ALPK3: variants seen among roughly 807,000 people sequenced by gnomAD.
ALPK3 encodes alpha kinase 3, also known as alpha-protein kinase 3.
A neutral mutation model predicts 140.0 loss-of-function variants in ALPK3; 102 were observed. That is an observed-to-expected ratio of 0.73 (90% confidence interval 0.62 to 0.86). The LOEUF (loss-of-function observed/expected upper bound fraction) is 0.86, where lower values mean the gene tolerates loss of function less well. Among genes scored for constraint, ALPK3 ranks in the 40% least tolerant of loss-of-function variants. The probability of loss-of-function intolerance (pLI) is 0.00; values close to 1 mark genes in which losing one functional copy is unlikely to be tolerated. For missense variants in ALPK3, 2,254 were observed against 2,208.2 expected (o/e 1.02, Z -0.42); for synonymous variants, 938 against 898.5 (o/e 1.04, Z -0.79).
intron 9 of ALPK3, among the ~76,000 whole-genome samples, chr15:84,860,704 T>TA (rs1596157361): frequency 1.3e-5 from 2 of 152,226 alleles, no homozygotes; most frequent in African/African-American, 4.8e-5. Context: ...CTCTCACTCT[T>TA]TCAATCACTC....
At chr15:84,859,169 A>G (rs1963906799) in intron 6 of ALPK3, 74 bp from the exon 7 acceptor site, 7 of 1,585,586 alleles carry the variant, frequency 4.4e-6, no homozygotes, top group Non-Finnish European at 6.0e-6. Context: ...CTTTTCCACC[A>G]AGGACACCCA....
intron 1 of ALPK3, among the ~76,000 whole-genome samples, chr15:84,818,609 C>T (rs1963388300): frequency 6.6e-6 from 1 of 152,226 alleles, no homozygotes; most frequent in Non-Finnish European, 1.5e-5. Flanking sequence ...ATTCCTAAAA[C>T]AGCATAAAAA....
At position 84,840,182 on chromosome 15, in the gene ALPK3, G is replaced by T. The variant is rs1963644045; in HGVS notation, c.903G>T (p.Glu301Asp). Residue 301 changes from glutamate (E) to aspartate (D), a missense_variant, in exon 5 of 14, where the codon GAG becomes GAT. Around this residue, in one of 3 missense-constraint regions of ALPK3, gnomAD observed 2,088 missense variants for 2,022.9 expected, o/e 1.03. Transcript: ENST00000258888. Reference protein sequence around the residue: ...GLLTYICDAMELGPQRALKEE... With the variant: ...GLLTYICDAMDLGPQRALKEE... ...TGACATACATCTGTGACGCCATGGA[G>T]CTGGGGCCTCAGAGAGCCCTCAAAG... The T allele has an allele frequency of 6.2e-7, 1 of 1,613,784 alleles. No individual in the cohort carries two copies. Among genetic ancestry groups the T allele is most frequent in the African/African-American group, 1.3e-5 (1 of 74,894 alleles).
At chr15:84,850,914 A>ACACACACACACACACACACACACACACC (rs1434291716) in intron 5 of ALPK3, among the ~76,000 whole-genome samples, 2 of 149,242 alleles carry the variant, frequency 1.3e-5, no homozygotes, top group African/African-American at 5.1e-5. Flanking sequence ...ACACACACAC[A>ACACACACACACACACACACACACACACC]CCCTCTGTCA....
intron 2 of ALPK3, among the ~76,000 whole-genome samples, chr15:84,824,483 T>C (rs1963463088): frequency 6.6e-6 from 1 of 152,228 alleles, no homozygotes; most frequent in African/African-American, 2.4e-5. Flanking sequence ...GAAAAAGATT[T>C]CAGAATAGCT....
chr15:84,859,261 A>T lies in ALPK3; in HGVS notation c.3836A>T (p.Lys1279Met). The T allele has an allele frequency of 6.2e-7, 1 of 1,614,132 alleles. No homozygotes were observed. Among genetic ancestry groups the T allele is most frequent in the Non-Finnish European group, 8.5e-7 (1 of 1,179,996 alleles). ...DLLKAPQVIR[K>M]IRVEQFPDAS... ...CTCTCAGCCCCACAGGTGATCCGGAAGATTCGGGTGGAGCAGTTTCCTGAT... is the reference window on the plus strand; with the variant it reads ...CTCTCAGCCCCACAGGTGATCCGGATGATTCGGGTGGAGCAGTTTCCTGAT... The change falls in exon 7 of 14, where the codon AAG becomes ATG. Residue 1279 changes from lysine to methionine, a missense_variant. Lys to Met is a moderately conservative substitution (Grantham distance 95, BLOSUM62 -1). This residue lies in a region of ALPK3 where 2,088 missense variants were observed against 2,022.9 expected (regional missense o/e 1.03). Transcript: ENST00000258888.
At chr15:84,831,677 C>T (rs1458857236) in intron 3 of ALPK3, among the ~76,000 whole-genome samples, 2 of 152,212 alleles carry the variant, frequency 1.3e-5, no homozygotes, top group East Asian at 3.9e-4. Context: ...CATTAATCTT[C>T]GATTGTAGGC....
chr15:84,845,293 G>A (rs1360687521), intron 5 of ALPK3, among the ~76,000 whole-genome samples: 2 of 152,158 alleles, frequency 1.3e-5, no homozygotes, highest in Non-Finnish European at 2.9e-5. Context: ...TAGCAACAGA[G>A]GCCACAGGTG....
Position 84,817,377 on chromosome 15 carries a change from G to A in ALPK3, c.-76G>A. 1.6e-6 allele frequency: 2 copies of A among 1,220,514 alleles called. No homozygotes were observed. The highest frequency in any genetic ancestry group is 2.0e-6 in the Non-Finnish European group (2 of 982,084). The allele number at this position is 1,220,514 out of a possible 1,614,324, so 75.6% of individuals were successfully genotyped here. On this transcript the variant is annotated 5_prime_UTR_variant, in exon 1 of 14. Coordinates refer to ENST00000258888, the MANE Select transcript of ALPK3 (RefSeq NM_020778.5). The stretch of plus-strand genomic sequence containing the variant: ...GGGCGGGAGCGGCGGCGGCGGGCAG[G>A]GGCCCGGGGGCCGGGGCCTGGAGGA...
intron 4 of ALPK3, 89 bp downstream of exon 4, chr15:84,839,186 G>C: frequency 8.9e-7 from 1 of 1,122,348 alleles, no homozygotes; most frequent in South Asian, 1.4e-5. Context: ...CAGTCTGGAT[G>C]GAGATGCCCA....
intron 12 of ALPK3, 22 bp downstream of exon 12, chr15:84,864,687 C>T (rs775642316): frequency 1.4e-5 from 23 of 1,608,790 alleles, no homozygotes; most frequent in Middle Eastern, 1.7e-4. Context: ...TGAGGGTGCA[C>T]GGGTACGCAT....
Position 84,858,014 on chromosome 15 carries a change from A to G in ALPK3, c.3276A>G (p.Glu1092=). 6.3e-7 allele frequency: 1 copy of G among 1,590,006 alleles called. No individual in the cohort carries two copies. ...CCTCAGAAGGAGCCAGTGAGGGTGA[A>G]GGAGAGGTTTCCCCTGAGGGGCCTG... The part of the protein sequence containing the change: ...GLASEGASEG[E]GEVSPEGPGL... The change falls in exon 6 of 14, where the codon GAA becomes GAG. Residue 1092 remains glutamate (E), a synonymous_variant. Coordinates refer to ENST00000258888, the MANE Select transcript of ALPK3 (RefSeq NM_020778.5).
rs758829090 is a variant in ALPK3 at position 84,839,973 on chromosome 15, G to A, written c.694G>A (p.Ala232Thr). 6.2e-7 allele frequency: 1 copy of A among 1,612,772 alleles called. No homozygotes were observed. The highest frequency in any genetic ancestry group is 1.3e-5 in the African/African-American group (1 of 74,856). Reference protein sequence around the residue: ...QRKRRLSGAQAPGPSVPTREP... With the variant: ...QRKRRLSGAQTPGPSVPTREP... ...AAAGCGGCGATTGAGCGGGGCTCAA[G>A]CGCCGGGCCCCTCGGTCCCTACCAG... Residue 232 changes from alanine (A) to threonine (T), a missense_variant, in exon 5 of 14, where the codon GCG becomes ACG. This residue lies in a region of ALPK3 where 2,088 missense variants were observed against 2,022.9 expected (regional missense o/e 1.03). Coordinates refer to ENST00000258888, the MANE Select transcript of ALPK3 (RefSeq NM_020778.5).
intron 5 of ALPK3, among the ~76,000 whole-genome samples, chr15:84,844,111 C>T (rs1044759239): frequency 6.6e-6 from 1 of 152,154 alleles, no homozygotes; most frequent in African/African-American, 2.4e-5. Flanking sequence ...TGCCTGTAAT[C>T]CCAGCTATTC....
chr15:84,852,366 G>T (rs1191538469), intron 5 of ALPK3: 2 of 153,678 alleles, frequency 1.3e-5, no homozygotes, highest in African/African-American at 2.4e-5. Flanking sequence ...CCCAGGTGGG[G>T]TGGCATGAGA....
chr15:84,859,992 G>A (rs1306579281), intron 8 of ALPK3, 45 bp from the exon 9 acceptor site: 1 of 1,613,976 alleles, frequency 6.2e-7, no homozygotes, highest in South Asian at 1.1e-5. Context: ...CACTCTCTTG[G>A]CACAGCAGCC....
In ALPK3 at chr15:84,858,145, AGCCCTCCCAAGAGGAGAAGTTCCCAGGG is replaced by A. The variant is rs1225518851; in HGVS notation, c.3409_3436del (p.Pro1137ArgfsTer3). ...CCCTCAGCAGAGAGCATAGCCCAGGAGCCCTCCCAAGAGGAGAAGTTCCCAGGGGAGGCTCTGACAGGTCTCCCGGCAG... is the reference window on the plus strand; with the variant it reads ...CCCTCAGCAGAGAGCATAGCCCAGGAGAGGCTCTGACAGGTCTCCCGGCAG... On this transcript the variant is annotated frameshift_variant, in exon 6 of 14. Transcript: ENST00000258888. LOFTEE classifies it high-confidence loss of function. The A allele has an allele frequency of 6.2e-7, 1 of 1,604,514 alleles. No individual in the cohort carries two copies. Among genetic ancestry groups the A allele is most frequent in the East Asian group, 2.2e-5 (1 of 44,806 alleles).
chr15:84,865,774 C>T (rs955768335), intron 12 of ALPK3, among the ~76,000 whole-genome samples: 4 of 152,144 alleles, frequency 2.6e-5, no homozygotes, highest in African/African-American at 9.7e-5. Flanking sequence ...GCCTGGCCAA[C>T]ACAGCAAAAC....
chr15:84,817,361 C>G lies in ALPK3; in HGVS notation c.-92C>G. 1 of 1,228,446 alleles carries G rather than the reference C, an allele frequency of 8.1e-7. No individual in the cohort carries two copies. Among genetic ancestry groups the G allele is most frequent in the Non-Finnish European group, 1.0e-6 (1 of 987,016 alleles). The allele number at this position is 1,228,446 out of a possible 1,614,324, so 76.1% of individuals were successfully genotyped here. On this transcript the variant is annotated 5_prime_UTR_variant, in exon 1 of 14. Coordinates refer to ENST00000258888, the MANE Select transcript of ALPK3 (RefSeq NM_020778.5). Reference sequence around the variant, plus strand: ...GGCGCGCGTCAGCCGCGGGCGGGAGCGGCGGCGGCGGGCAGGGGCCCGGGG... The same window carrying G: ...GGCGCGCGTCAGCCGCGGGCGGGAGGGGCGGCGGCGGGCAGGGGCCCGGGG...
Sources: gnomAD v4.1 joint callset for allele counts (sites outside exome capture counted in the v4.1 genomes callset) on GRCh38, gnomAD v4.1.1 for gene constraint, gnomAD v4.1.1 regional missense constraint, MANE v1.5 for transcripts, NCBI Gene and HGNC (gene_info 2026-07-23, HGNC 2026-07-21) for gene names.